The following CDKL5 variants were observed in gnomAD, a reference collection of about 807,000 sequenced individuals.
The protein encoded by CDKL5 is cyclin dependent kinase like 5.
CDKL5 carries 8 observed loss-of-function variants against 61.7 expected under a neutral mutation model. The ratio of observed to expected loss-of-function variants is 0.13; its 90% CI spans 0.08 to 0.23. The LOEUF (loss-of-function observed/expected upper bound fraction) is 0.23, where lower values mean the gene tolerates loss of function less well. Ranked by LOEUF, CDKL5 falls within the 10% of genes least tolerant of loss-of-function variation. The pLI, the probability that CDKL5 is intolerant of heterozygous loss-of-function variation, is 1.00. For missense variants in CDKL5, 440 were observed against 734.5 expected (o/e 0.60, Z 4.63); for synonymous variants, 275 against 272.3 (o/e 1.01, Z -0.10).
chrX:18,589,107 C>T (rs1399790585), intron 9 of CDKL5: 2 of 108,760 alleles, frequency 1.8e-5, no homozygotes, highest in Admixed American at 9.8e-5. Context: ...ACTTCTTCCA[C>T]CTACCCCAAA....
At chrX:18,617,434 A>G (rs1459995023) in intron 15 of CDKL5, among the ~76,000 whole-genome samples, 1 of 112,108 alleles carries the variant, frequency 8.9e-6, no homozygotes, top group Non-Finnish European at 1.9e-5. Flanking sequence ...AGGTGGAATC[A>G]CAGGGGCCAG....
intron 1 of CDKL5, among the ~76,000 whole-genome samples, chrX:18,499,631 A>G (rs1415845238): frequency 9.0e-6 from 1 of 111,369 alleles, no homozygotes. Context: ...GGCCTCCTAA[A>G]GTGCTGGGAT....
At chrX:18,616,072 G>A (rs1245460111) in intron 15 of CDKL5, among the ~76,000 whole-genome samples, 2 of 111,170 alleles carry the variant, frequency 1.8e-5, no homozygotes, top group African/African-American at 6.6e-5. Context: ...CTCAGTTCTA[G>A]CAGGCAGCAC....
At chrX:18,628,327 C>G in intron 17 of CDKL5, 44 bp from the exon 18 acceptor site, 1 of 1,183,617 alleles carries the variant, frequency 8.4e-7, no homozygotes, top group Middle Eastern at 2.4e-4. Context: ...GCCTTATGGT[C>G]GCTCTAACTT....
At chrX:18,581,032 G>A (rs2147143484) in intron 6 of CDKL5, among the ~76,000 whole-genome samples, 1 of 111,322 alleles carries the variant, frequency 9.0e-6, no homozygotes, top group South Asian at 3.8e-4. Flanking sequence ...TGTAGTTTGG[G>A]GATATTAATG....
chrX:18,491,592 G>A (rs1921996579), intron 1 of CDKL5, among the ~76,000 whole-genome samples: 1 of 111,478 alleles, frequency 9.0e-6, no homozygotes, highest in Non-Finnish European at 1.9e-5. Context: ...TTGAAATCTC[G>A]TCATGTCTTC....
At chrX:18,436,460 C>T (rs750426007) in intron 1 of CDKL5, among the ~76,000 whole-genome samples, 2 of 111,458 alleles carry the variant, frequency 1.8e-5, no homozygotes, top group East Asian at 2.8e-4. Context: ...GTGGGAAGGT[C>T]GCTCTGAGGA....
At chrX:18,599,999 A>G (rs1926128070) in intron 11 of CDKL5, among the ~76,000 whole-genome samples, 1 of 110,940 alleles carries the variant, frequency 9.0e-6, no homozygotes, top group Non-Finnish European at 1.9e-5. Context: ...TGGCTGGCTA[A>G]TTTTTTATCT....
At chrX:18,581,820 G>A in intron 6 of CDKL5, 71 bp from the exon 7 acceptor site, 1 of 673,332 alleles carries the variant, frequency 1.5e-6, no homozygotes, top group African/African-American at 2.1e-5. Flanking sequence ...TGCTATTACA[G>A]TGATCTAACA....
intron 3 of CDKL5, among the ~76,000 whole-genome samples, chrX:18,545,449 C>T (rs963700522): frequency 7.2e-5 from 8 of 111,568 alleles, no homozygotes; most frequent in African/African-American, 1.6e-4. Context: ...GTGACTCACA[C>T]GTCATTATGT....
intron 4 of CDKL5, among the ~76,000 whole-genome samples, chrX:18,573,591 G>T (rs769829601): frequency 1.2e-4 from 14 of 112,421 alleles, no homozygotes; most frequent in African/African-American, 4.5e-4. Context: ...CCACTGTCAT[G>T]CTCTTTTCCC....
intron 1 of CDKL5, among the ~76,000 whole-genome samples, chrX:18,439,571 G>A (rs1420784496): frequency 9.0e-6 from 1 of 111,254 alleles, no homozygotes; most frequent in Non-Finnish European, 1.9e-5. Flanking sequence ...TGGGCGTGGT[G>A]GCTCACGCTA....
intron 1 of CDKL5, among the ~76,000 whole-genome samples, chrX:18,495,178 A>G (rs770441306): frequency 8.9e-6 from 1 of 112,161 alleles, no homozygotes; most frequent in Admixed American, 9.5e-5. Context: ...TCTCATTTGG[A>G]TGTGTAAAAA....
At chrX:18,495,924 T>C (rs1259923006) in intron 1 of CDKL5, among the ~76,000 whole-genome samples, 2 of 112,216 alleles carry the variant, frequency 1.8e-5, no homozygotes, top group Non-Finnish European at 3.8e-5. Flanking sequence ...ATATTTATTG[T>C]CTATCTCCTT....
intron 5 of CDKL5, among the ~76,000 whole-genome samples, chrX:18,579,204 G>T (rs1490984149): frequency 9.0e-6 from 1 of 111,515 alleles, no homozygotes; most frequent in Non-Finnish European, 1.9e-5. Context: ...TGGAAATTCA[G>T]TAGAGACCGG....
chrX:18,506,249 A>G (rs1922574667), intron 1 of CDKL5, among the ~76,000 whole-genome samples: 1 of 111,503 alleles, frequency 9.0e-6, no homozygotes, highest in Admixed American at 9.6e-5. Context: ...CACCCTTGGA[A>G]TCAGCCATTT....
intron 3 of CDKL5, among the ~76,000 whole-genome samples, chrX:18,527,585 A>G (rs1221146404): frequency 9.0e-6 from 1 of 111,670 alleles, no homozygotes; most frequent in Non-Finnish European, 1.9e-5. Flanking sequence ...ATGACTCTTC[A>G]TTCAAATCTG....
chrX:18,433,228 C>CA (rs769632892), intron 1 of CDKL5, among the ~76,000 whole-genome samples: 14,656 of 87,466 alleles, frequency 0.17, 1,144 homozygotes, highest in Middle Eastern at 0.25. Flanking sequence ...AACCCTGTCT[C>CA]AAAAAAAAAA....
intron 3 of CDKL5, among the ~76,000 whole-genome samples, chrX:18,527,627 G>C (rs761374943): frequency 9.0e-6 from 1 of 110,749 alleles, no homozygotes; most frequent in South Asian, 3.7e-4. Flanking sequence ...TTTTCTCTTG[G>C]TTAATTTGGC....
Sources: allele counts gnomAD v4.1 joint callset (sites outside exome capture counted in the v4.1 genomes callset), GRCh38; gene constraint gnomAD v4.1.1; transcripts MANE v1.5; gene names NCBI Gene and HGNC (gene_info 2026-07-23, HGNC 2026-07-21).